Variants in EPHA6 observed in about 807,000 individuals in gnomAD.
The protein encoded by EPHA6 is ephrin type-A receptor 6.
Under a neutral mutation model 112.0 loss-of-function variants are expected in EPHA6, and 50 were observed. That is an observed-to-expected ratio of 0.45 (90% CI 0.36 to 0.56). The LOEUF is 0.56. EPHA6 is among the 20% of genes least tolerant of loss of function. The pLI is 0.00. For missense variants in EPHA6, 1,280 were observed against 1,417.4 expected (o/e 0.90, Z 1.56); for synonymous variants, 529 against 490.7 (o/e 1.08, Z -1.03).
At chr3:96,835,662 T>C (rs1161100457) in intron 1 of EPHA6, among the ~76,000 whole-genome samples, 9 of 152,208 alleles carry the variant, frequency 5.9e-5, no homozygotes, top group South Asian at 2.1e-4. Flanking sequence ...CAAAAGTTCT[T>C]GACCCCGGCT....
At chr3:97,076,536 C>G (rs2046532520) in intron 3 of EPHA6, among the ~76,000 whole-genome samples, 1 of 152,134 alleles carries the variant, frequency 6.6e-6, no homozygotes, top group South Asian at 2.1e-4. Flanking sequence ...GCAGCAAGTG[C>G]TGATGTAAAA....
At chr3:96,849,518 C>T (rs796663785) in intron 1 of EPHA6, among the ~76,000 whole-genome samples, 113 of 152,198 alleles carry the variant, frequency 7.4e-4, no homozygotes, top group African/African-American at 2.6e-3. Context: ...TAGAATCCTT[C>T]AGTGGGAAAC....
At chr3:97,741,823 T>C (rs1296545261) in intron 16 of EPHA6, among the ~76,000 whole-genome samples, 2 of 152,040 alleles carry the variant, frequency 1.3e-5, no homozygotes, top group South Asian at 4.1e-4. Flanking sequence ...ACTTCATAGA[T>C]GGAGTCTATT....
intron 1 of EPHA6, among the ~76,000 whole-genome samples, chr3:96,862,963 AT>A (rs988538292): frequency 6.6e-6 from 1 of 151,958 alleles, no homozygotes; most frequent in South Asian, 2.1e-4. Flanking sequence ...TATGCTGAAA[AT>A]TTTTTTCTAA....
intron 12 of EPHA6, among the ~76,000 whole-genome samples, chr3:97,602,209 A>G: frequency 6.6e-6 from 1 of 152,050 alleles, no homozygotes; most frequent in East Asian, 1.9e-4. Flanking sequence ...AAACAAATTT[A>G]TTTTTAATGG....
intron 2 of EPHA6, among the ~76,000 whole-genome samples, chr3:96,877,051 A>G (rs2037003657): frequency 6.6e-6 from 1 of 152,152 alleles, no homozygotes; most frequent in Non-Finnish European, 1.5e-5. Flanking sequence ...GGGATGCTCA[A>G]TAAAAGTTGG....
At chr3:97,492,055 CTACCACA>C (rs1440469240) in intron 10 of EPHA6, among the ~76,000 whole-genome samples, 2 of 152,002 alleles carry the variant, frequency 1.3e-5, no homozygotes, top group Non-Finnish European at 2.9e-5. Flanking sequence ...TTTTTACAAT[CTACCACA>C]TAGCTGATAG....
intron 3 of EPHA6, among the ~76,000 whole-genome samples, chr3:97,194,716 A>C (rs550870773): frequency 1.3e-5 from 2 of 152,020 alleles, no homozygotes; most frequent in South Asian, 4.2e-4. Context: ...TCTAGCTCTA[A>C]TAATATTTGC....
rs904459268 is a variant in EPHA6, at chr3:97,748,937, G to A, written c.*236G>A. 20 of 499,490 alleles carry A rather than the reference G, an allele frequency of 4.0e-5. No individual in the cohort carries two copies. Among genetic ancestry groups the A allele is most frequent in the South Asian group, 2.3e-4 (9 of 38,874 alleles). 30.9% of individuals were successfully genotyped at this position (499,490 alleles called of 1,614,324 possible). ...CTGGCCCACTGCAGATTATTGCTACGCAATGGTAAATAACTCAGCATGGAT... is the reference window on the plus strand; with the variant it reads ...CTGGCCCACTGCAGATTATTGCTACACAATGGTAAATAACTCAGCATGGAT... On this transcript the variant is annotated 3_prime_UTR_variant, in exon 18 of 18. Coordinates refer to ENST00000389672, the MANE Select transcript of EPHA6 (RefSeq NM_001080448.3).
chr3:97,417,040 A>G (rs991686557), intron 6 of EPHA6, among the ~76,000 whole-genome samples: 4 of 152,204 alleles, frequency 2.6e-5, no homozygotes, highest in African/African-American at 9.6e-5. Flanking sequence ...TTAGTTTGGA[A>G]TGAATCCAAA....
chr3:97,291,776 C>G (rs1264705084), intron 5 of EPHA6, among the ~76,000 whole-genome samples: 1 of 152,152 alleles, frequency 6.6e-6, no homozygotes, highest in Non-Finnish European at 1.5e-5. Flanking sequence ...GACCTTGTCT[C>G]TTTTTACTGC....
chr3:97,640,043 C>G (rs969411395), intron 14 of EPHA6, among the ~76,000 whole-genome samples: 1 of 151,952 alleles, frequency 6.6e-6, no homozygotes, highest in African/African-American at 2.4e-5. Flanking sequence ...TAGTAAAGCT[C>G]TTGCCTTTAA....
chr3:97,638,107 T>C (rs1438951028), intron 14 of EPHA6, 25 bp downstream of exon 14: 1 of 1,534,810 alleles, frequency 6.5e-7, no homozygotes, highest in Non-Finnish European at 9.0e-7. Flanking sequence ...CCTTTCCTAA[T>C]ATAGTCTGTT....
At chr3:97,178,563 G>A (rs1449163951) in intron 3 of EPHA6, among the ~76,000 whole-genome samples, 5 of 151,958 alleles carry the variant, frequency 3.3e-5, no homozygotes, top group Admixed American at 2.6e-4. Context: ...GTCAGCTTTT[G>A]TTTGTCAAGG....
chr3:97,554,148 GA>G (rs1390455797), intron 11 of EPHA6, among the ~76,000 whole-genome samples: 2 of 152,064 alleles, frequency 1.3e-5, no homozygotes, highest in African/African-American at 4.8e-5. Flanking sequence ...AAAATGAATG[GA>G]TTTTTTTTTC....
chr3:97,010,914 T>C (rs1227328005), intron 3 of EPHA6, among the ~76,000 whole-genome samples: 1 of 152,222 alleles, frequency 6.6e-6, no homozygotes, highest in Non-Finnish European at 1.5e-5. Context: ...AATTTGGTTT[T>C]TATTAAAATG....
intron 5 of EPHA6, among the ~76,000 whole-genome samples, chr3:97,363,674 A>C (rs1187447810): frequency 6.6e-6 from 1 of 152,068 alleles, no homozygotes; most frequent in Admixed American, 6.6e-5. Context: ...AAATAATTGA[A>C]AGCAGGGACT....
intron 3 of EPHA6, among the ~76,000 whole-genome samples, chr3:97,092,998 A>G (rs759929746): frequency 1.3e-5 from 2 of 152,136 alleles, no homozygotes; most frequent in Non-Finnish European, 2.9e-5. Context: ...CTTGGTGGGT[A>G]GAATAAGAGA....
intron 5 of EPHA6, among the ~76,000 whole-genome samples, chr3:97,267,411 G>A (rs1484649299): frequency 1.3e-5 from 2 of 151,612 alleles, no homozygotes; most frequent in Non-Finnish European, 2.9e-5. Context: ...ACCCCTATTA[G>A]AATAATAGTT....
Sources: gnomAD v4.1 joint callset for allele counts (sites outside exome capture counted in the v4.1 genomes callset) on GRCh38, gnomAD v4.1.1 for gene constraint, MANE v1.5 for transcripts, NCBI Gene and HGNC (gene_info 2026-07-23, HGNC 2026-07-21) for gene names.